The following NMRAL1 variants were observed in gnomAD, a reference collection of about 807,000 sequenced individuals.
NMRAL1 encodes the protein nmrA-like family domain-containing protein 1.
Under a neutral mutation model 27.5 loss-of-function variants are expected in NMRAL1, and 32 were observed. The ratio of observed to expected loss-of-function variants is 1.16; its 90% CI spans 0.88 to 1.56. The LOEUF is 1.56. NMRAL1 is among the 40% of genes most tolerant of loss of function. NMRAL1 has a pLI of 0.00. For missense variants in NMRAL1, 420 were observed against 392.0 expected (o/e 1.07, Z -0.60); for synonymous variants, 166 against 166.8 (o/e 1.00, Z 0.04).
intron 4 of NMRAL1, 148 bp downstream of exon 4, chr16:4,466,005 A>G: frequency 1.1e-6 from 1 of 883,192 alleles, no homozygotes; most frequent in South Asian, 1.7e-5. Context: ...AGGCCCCGCA[A>G]GCTGACAGGA....
chr16:4,475,545 C>G (rs919047217), upstream of NMRAL1, among the ~76,000 whole-genome samples: 4 of 151,068 alleles, frequency 2.6e-5, no homozygotes, highest in Non-Finnish European at 5.9e-5. Flanking sequence ...CTGCTGACCT[C>G]AAGTGATCTT....
rs7191458 is a variant in NMRAL1 at position 4,461,751 on chromosome 16, T to C, written c.*29A>G. On this transcript the variant is annotated 3_prime_UTR_variant, in exon 6 of 6. Transcript: ENST00000283429. ...GCCTCTGCCCCTCTGGTGCCCCCGA[T>C]CCCCACAAGGGGCCGCGAGGCGGGC... is the stretch of plus-strand genomic sequence containing the variant. The C allele has an allele frequency of 0.048, 75,744 of 1,572,032 alleles. 4,660 individuals carry two copies. The highest frequency in any genetic ancestry group is 0.3 in the African/African-American group (21,727 of 73,130).
At chr16:4,469,611 CTTTAT>C (rs2057471873) in intron 2 of NMRAL1, 146 bp from the exon 3 acceptor site, 3 of 1,478,880 alleles carry the variant, frequency 2.0e-6, no homozygotes, top group Non-Finnish European at 1.8e-6. Flanking sequence ...TTTTTATTTT[CTTTAT>C]TTTATTTTTT....
chr16:4,473,057 T>G, intron 2 of NMRAL1, among the ~76,000 whole-genome samples: 1 of 150,372 alleles, frequency 6.7e-6, no homozygotes, highest in Non-Finnish European at 1.5e-5. Flanking sequence ...CACTGCAGCC[T>G]TGACCTGCTG....
chr16:4,467,894 A>G (rs1046582140), intron 3 of NMRAL1, among the ~76,000 whole-genome samples: 2 of 151,826 alleles, frequency 1.3e-5, no homozygotes. Context: ...TGTGGGGATT[A>G]CAAGCATGAG....
rs2057725344 is a variant in NMRAL1, at chr16:4,474,175, A to T, written c.-34-9T>A. Reference sequence around the variant, plus strand: ...GAATCCGGTCCAGAGATCTGGGGGTAATGGGAGGCGTGGAGTTGGGGGTGG... The same window carrying T: ...GAATCCGGTCCAGAGATCTGGGGGTTATGGGAGGCGTGGAGTTGGGGGTGG... On this transcript the variant is annotated splice_polypyrimidine_tract_variant and intron_variant, in intron 1 of 5. Transcript: ENST00000283429. 1 of 1,599,614 alleles carries T rather than the reference A, an allele frequency of 6.3e-7. No homozygotes were observed. Among genetic ancestry groups the T allele is most frequent in the South Asian group, 1.1e-5 (1 of 89,314 alleles).
rs750183006 is a variant in NMRAL1 at position 4,474,103 on chromosome 16, G to A, written c.30C>T (p.Phe10=). 6.2e-6 allele frequency: 10 copies of A among 1,612,306 alleles called. No individual in the cohort carries two copies. In the South Asian group the frequency reaches 1.1e-4, roughly 18 times the overall value. The change falls in exon 2 of 6, where the codon TTC becomes TTT. Residue 10 remains phenylalanine (F), a synonymous_variant. Transcript: ENST00000283429. The stretch of plus-strand genomic sequence containing the variant: ...TGGGGTTTGGCTCACCTGTGCCTCC[G>A]AAAACCACCACCAGTTTCTTGTCCA... The part of the protein sequence containing the change: MVDKKLVVV[F]GGTGAQGGSV...
chr16:4,468,160 GGCATGGTGACGCAT>G (rs1476383416), intron 3 of NMRAL1, among the ~76,000 whole-genome samples: 1 of 151,412 alleles, frequency 6.6e-6, no homozygotes, highest in Non-Finnish European at 1.5e-5. Context: ...AAATTACCAG[GGCATGGTGACGCAT>G]GCATGTAATC....
chr16:4,467,367 G>A (rs1353624079), intron 3 of NMRAL1, among the ~76,000 whole-genome samples: 1 of 151,962 alleles, frequency 6.6e-6, no homozygotes, highest in Non-Finnish European at 1.5e-5. Flanking sequence ...CTGAGTCGCT[G>A]GGACTACAGG....
At position 4,461,829 on chromosome 16, in the gene NMRAL1, G is replaced by A. The variant is rs774591050; in HGVS notation, c.851C>T (p.Thr284Met). The A allele has an allele frequency of 6.2e-6, 10 of 1,614,204 alleles. No homozygotes were observed. Among genetic ancestry groups the A allele is most frequent in the South Asian group, 2.2e-5 (2 of 91,082 alleles). ...LTLRLNPKAL[T>M]LDQWLEQHKG... is the part of the protein sequence containing the mutation. ...GTGCTGTTCCAGCCACTGGTCCAGC[G>A]TCAGGGCCTTGGGGTTGAGTCTCAG... is the stretch of plus-strand genomic sequence containing the variant. The change falls in exon 6 of 6, where the codon ACG becomes ATG. Residue 284 changes from threonine to methionine, a missense_variant. By Grantham distance (81) the Thr-to-Met change is moderately conservative (BLOSUM62 -1). Coordinates refer to ENST00000283429, the MANE Select transcript of NMRAL1 (RefSeq NM_020677.6).
rs766862446 is a variant in NMRAL1 at position 4,469,259 on chromosome 16, C to T, written c.247G>A (p.Glu83Lys). The T allele has an allele frequency of 8.1e-6, 13 of 1,613,972 alleles. No individual in the cohort carries two copies. The highest frequency in any genetic ancestry group is 1.6e-4 in the Middle Eastern group (1 of 6,084). ...YATFIVTNYW[E>K]SCSQEQEVKQ... is the part of the protein sequence containing the mutation. ...ACCTCCTGCTCCTGGCTGCAGCTCTCCCAGTAATTGGTCACGATGAAGGTG... is the reference window on the plus strand; with the variant it reads ...ACCTCCTGCTCCTGGCTGCAGCTCTTCCAGTAATTGGTCACGATGAAGGTG... Residue 83 changes from glutamate to lysine, a missense_variant, in exon 3 of 6, where the codon GAG (glutamate) becomes AAG (lysine). Coordinates refer to ENST00000283429, the MANE Select transcript of NMRAL1 (RefSeq NM_020677.6).
At chr16:4,468,349 C>T (rs1032801414) in intron 3 of NMRAL1, among the ~76,000 whole-genome samples, 17 of 151,974 alleles carry the variant, frequency 1.1e-4, no homozygotes, top group African/African-American at 4.1e-4. Flanking sequence ...GGGCATGTGG[C>T]TTACGCCTGT....
chr16:4,466,224 G>T lies in NMRAL1; in HGVS notation c.458C>A (p.Pro153His). The change falls in exon 4 of 6, where the codon CCC becomes CAC. Residue 153 changes from proline to histidine, a missense_variant. Physicochemically the swap from Pro to His is moderately conservative, Grantham distance 77. Coordinates refer to ENST00000283429, the MANE Select transcript of NMRAL1 (RefSeq NM_020677.6). Reference sequence around the variant, plus strand: ...GGAGAGGAGGTTCTCAAAATAGCAGGGCAGCCGCACACTGGTCATGGGAAC... The same window carrying T: ...GGAGAGGAGGTTCTCAAAATAGCAGTGCAGCCGCACACTGGTCATGGGAAC... ...IGVPMTSVRL[P>H]CYFENLLSHF... The T allele has an allele frequency of 1.2e-6, 2 of 1,614,130 alleles. No individual in the cohort carries two copies. Among genetic ancestry groups the T allele is most frequent in the Non-Finnish European group, 1.7e-6 (2 of 1,180,018 alleles).
chr16:4,474,221 G>T, intron 1 of NMRAL1, 55 bp from the exon 2 acceptor site: 1 of 1,352,158 alleles, frequency 7.4e-7, no homozygotes, highest in Non-Finnish European at 1.0e-6. Context: ...CCCGCCAGGA[G>T]CGACAAAGGA....
At chr16:4,471,660 T>C (rs1162236812) in intron 2 of NMRAL1, among the ~76,000 whole-genome samples, 1 of 151,834 alleles carries the variant, frequency 6.6e-6, no homozygotes, top group Non-Finnish European at 1.5e-5. Context: ...ATATGTATAT[T>C]TTACCTCATA....
upstream of NMRAL1, among the ~76,000 whole-genome samples, chr16:4,475,575 G>A (rs1354246590): frequency 1.3e-5 from 2 of 151,552 alleles, no homozygotes; most frequent in East Asian, 2.0e-4. Flanking sequence ...GGCTCCCAAA[G>A]TGCTGGGATT....
At chr16:4,466,501 G>A (rs865843460) in intron 3 of NMRAL1, 99 bp from the exon 4 acceptor site, 25 of 1,253,860 alleles carry the variant, frequency 2.0e-5, no homozygotes, top group South Asian at 6.8e-5. Flanking sequence ...CACCATCTGC[G>A]AGGTTAACAT....
chr16:4,466,235 A>G lies in NMRAL1; in HGVS notation c.447T>C (p.Ser149=). 3 of 1,614,104 alleles carry G rather than the reference A, an allele frequency of 1.9e-6. No individual in the cohort carries two copies. The highest frequency in any genetic ancestry group is 1.7e-5 in the Admixed American group (1 of 60,020). The change falls in exon 4 of 6, where the codon AGT becomes AGC. Residue 149 remains serine, a synonymous_variant. Transcript: ENST00000283429. ...YFRDIGVPMT[S]VRLPCYFENL... ...TCTCAAAATAGCAGGGCAGCCGCAC[A>G]CTGGTCATGGGAACGCCAATGTCCC...
At chr16:4,464,117 G>T in intron 4 of NMRAL1, 1 of 520,628 alleles carries the variant, frequency 1.9e-6, no homozygotes, top group Non-Finnish European at 3.3e-6. Context: ...TCCTAGAATG[G>T]GGCTAAGAAC....
Sources: allele counts gnomAD v4.1 joint callset (sites outside exome capture counted in the v4.1 genomes callset), GRCh38; gene constraint gnomAD v4.1.1; transcripts MANE v1.5; gene names NCBI Gene and HGNC (gene_info 2026-07-23, HGNC 2026-07-21).